Variants in PTGES observed in about 807,000 individuals in gnomAD.
PTGES encodes the protein prostaglandin E synthase.
A neutral mutation model predicts 11.8 loss-of-function variants in PTGES; 3 were observed. That is an observed-to-expected ratio of 0.25 (90% CI 0.12 to 0.66). PTGES has a LOEUF of 0.66. PTGES is among the 30% of genes least tolerant of loss of function. The pLI, the probability that PTGES is intolerant of heterozygous loss-of-function variation, is 0.82. For missense variants in PTGES, 180 were observed against 213.0 expected, an observed-to-expected ratio of 0.85 and a Z score of 0.96; for synonymous variants, 94 against 90.4, an observed-to-expected ratio of 1.04 and a Z score of -0.22.
rs552810031 is a variant in PTGES at position 129,739,866 on chromosome 9, G to A, written c.210-6C>T. On this transcript the variant is annotated splice_region_variant and splice_polypyrimidine_tract_variant and intron_variant, in intron 2 of 2. Coordinates refer to ENST00000340607, the MANE Select transcript of PTGES (RefSeq NM_004878.5). This position sits in a 1 kb window ranked among gnomAD's most constrained non-coding sequence, Gnocchi z 5.7. ...CCATGTCGTTCCGGTGGGCCCTGGG[G>A]AGACAAGAGGGGTGCGGTCAGCCAG... 2 of 1,564,448 alleles carry A rather than the reference G, an allele frequency of 1.3e-6. No individual in the cohort carries two copies. The highest frequency in any genetic ancestry group is 1.4e-5 in the African/African-American group (1 of 73,844).
intron 1 of PTGES, among the ~76,000 whole-genome samples, chr9:129,750,912 G>A (rs1168996666): frequency 6.6e-6 from 1 of 152,206 alleles, no homozygotes; most frequent in Non-Finnish European, 1.5e-5. Flanking sequence ...GGGCCACGTT[G>A]TCATGAGGAA....
At chr9:129,746,796 C>T (rs889139386) in intron 2 of PTGES, among the ~76,000 whole-genome samples, 2 of 152,210 alleles carry the variant, frequency 1.3e-5, no homozygotes, top group Non-Finnish European at 2.9e-5. Flanking sequence ...GCCTCACTCT[C>T]CAGCTAACTG....
intron 2 of PTGES, among the ~76,000 whole-genome samples, chr9:129,744,087 G>T (rs1833026757): frequency 4.6e-5 from 7 of 152,142 alleles, no homozygotes; most frequent in Admixed American, 4.6e-4. Flanking sequence ...AAGCTCAGGT[G>T]ATCTACCCGC....
At chr9:129,744,063 C>T (rs914585322) in intron 2 of PTGES, among the ~76,000 whole-genome samples, 4 of 152,008 alleles carry the variant, frequency 2.6e-5, no homozygotes, top group African/African-American at 4.8e-5. Flanking sequence ...TGGCCAGGCT[C>T]GTCTCAAACT....
chr9:129,747,980 A>G (rs1833063546), intron 2 of PTGES, among the ~76,000 whole-genome samples: 1 of 141,602 alleles, frequency 7.1e-6, no homozygotes, highest in Admixed American at 7.4e-5. Context: ...ACTGCACTCC[A>G]GCCTGGGCAA....
intron 1 of PTGES, among the ~76,000 whole-genome samples, chr9:129,752,476 TC>T (rs1416056331): frequency 1.3e-5 from 2 of 152,228 alleles, no homozygotes; most frequent in Non-Finnish European, 2.9e-5. Context: ...GTTGGGAATT[TC>T]CACTTAAACG....
Position 129,751,497 on chromosome 9 carries a change from G to A in PTGES, c.126+1390C>T, listed in dbSNP as rs45470593. ...GGTTCAAGACCAGCCTGGCCAACAT[G>A]GTGAAACCCCATCTCTACTAAAAAT... is the stretch of plus-strand genomic sequence containing the variant. On this transcript the variant is annotated intron_variant, in intron 1 of 2. Transcript: ENST00000340607. Among the ~76,000 whole-genome samples, 387 of 152,186 alleles carry A rather than the reference G, an allele frequency of 2.5e-3. 4 individuals are homozygous for A. Among genetic ancestry groups the A allele is most frequent in the Admixed American group, 4.1e-3 (63 of 15,284 alleles).
At position 129,739,410 on chromosome 9, in the gene PTGES, G is replaced by T; in HGVS notation, c.*201C>A. 2.9e-6 allele frequency: 2 copies of T among 681,870 alleles called. No individual in the cohort carries two copies. 42.2% of individuals were successfully genotyped at this position (681,870 alleles called of 1,614,324 possible). On this transcript the variant is annotated 3_prime_UTR_variant, in exon 3 of 3. Transcript: ENST00000340607. This position sits in a 1 kb window ranked among gnomAD's most constrained non-coding sequence, Gnocchi z 5.7. Reference sequence around the variant, plus strand: ...GCCACTTCGTGCAGGAATCCAAGGGGCTAAGAAACATACACACACACATAC... The same window carrying T: ...GCCACTTCGTGCAGGAATCCAAGGGTCTAAGAAACATACACACACACATAC...
At chr9:129,741,130 G>A (rs1163602776) in intron 2 of PTGES, among the ~76,000 whole-genome samples, 1 of 152,194 alleles carries the variant, frequency 6.6e-6, no homozygotes, top group Non-Finnish European at 1.5e-5. Flanking sequence ...GCCTGGGGTG[G>A]GGGTGGGCAG....
chr9:129,750,082 A>C (rs1833088707), intron 1 of PTGES, among the ~76,000 whole-genome samples: 1 of 152,232 alleles, frequency 6.6e-6, no homozygotes, highest in African/African-American at 2.4e-5. Context: ...GGAGGTGCTC[A>C]GTGAATTGTC....
rs368767455 is a variant in PTGES at position 129,739,775 on chromosome 9, C to A, written c.295G>T (p.Ala99Ser). Residue 99 changes from alanine to serine, a missense_variant, in exon 3 of 3, where the codon GCC becomes TCC. Coordinates refer to ENST00000340607, the MANE Select transcript of PTGES (RefSeq NM_004878.5). This position sits in a 1 kb window ranked among gnomAD's most constrained non-coding sequence, Gnocchi z 5.7. ...YSFLGPNPFVAWMHFLVFLVG... is the reference protein window; with the variant it reads ...YSFLGPNPFVSWMHFLVFLVG... The stretch of plus-strand genomic sequence containing the variant: ...AGGAAGACCAGGAAGTGCATCCAGG[C>A]GACAAAAGGGTTAGGACCCAGAAAG... The A allele has an allele frequency of 1.9e-6, 3 of 1,578,882 alleles. No individual in the cohort carries two copies. The highest frequency in any genetic ancestry group is 2.6e-6 in the Non-Finnish European group (3 of 1,162,076).
At chr9:129,742,343 A>AC (rs1017371022) in intron 2 of PTGES, among the ~76,000 whole-genome samples, 1 of 150,812 alleles carries the variant, frequency 6.6e-6, no homozygotes, top group African/African-American at 2.5e-5. Flanking sequence ...AAAAAAAAAA[A>AC]AAAAAAACAT....
At chr9:129,749,986 A>C (rs1278555461) in intron 1 of PTGES, among the ~76,000 whole-genome samples, 4 of 152,232 alleles carry the variant, frequency 2.6e-5, no homozygotes, top group Non-Finnish European at 5.9e-5. Flanking sequence ...CTGAACTCTG[A>C]AAACTCAGGA....
chr9:129,740,867 A>AC (rs1832987814), intron 2 of PTGES, among the ~76,000 whole-genome samples: 2 of 152,320 alleles, frequency 1.3e-5, no homozygotes, highest in South Asian at 4.1e-4. Context: ...AGGACAGGCC[A>AC]CGCGTGTGAG....
At chr9:129,744,524 G>A (rs778006972) in intron 2 of PTGES, among the ~76,000 whole-genome samples, 36 of 150,352 alleles carry the variant, frequency 2.4e-4, no homozygotes, top group Admixed American at 4.7e-4. Flanking sequence ...TCAGTGAGCC[G>A]GGATTCCACT....
At chr9:129,748,788 AC>A in intron 1 of PTGES, 51 bp from the exon 2 acceptor site, 1 of 1,453,486 alleles carries the variant, frequency 6.9e-7, no homozygotes, top group Non-Finnish European at 9.5e-7. Context: ...CGGCCCAGTC[AC>A]CTGGGGCTAT....
rs897440766 is a variant in PTGES at position 129,745,776 on chromosome 9, TCC to T, written c.209+2877_209+2878del. 1.4e-4 allele frequency among the ~76,000 whole-genome samples: 21 copies of T among 152,304 alleles called. No individual in the cohort carries two copies. Among genetic ancestry groups the T allele is most frequent in the African/African-American group, 5.1e-4 (21 of 41,548 alleles). ...TGGGCGCAATGGCTCACGCCTGTAATCCCAGCACTTTGGAAGCCCGAGGCAGG... is the reference window on the plus strand; with the variant it reads ...TGGGCGCAATGGCTCACGCCTGTAATCAGCACTTTGGAAGCCCGAGGCAGG... On this transcript the variant is annotated intron_variant, in intron 2 of 2. Coordinates refer to ENST00000340607, the MANE Select transcript of PTGES (RefSeq NM_004878.5). The surrounding 1 kb of genome is among the most constrained non-coding windows in gnomAD (Gnocchi z 4.2).
In PTGES at chr9:129,739,602, A is replaced by C. The variant is rs2302821; in HGVS notation, c.*9T>G. 185,468 of 1,548,682 alleles carry C rather than the reference A, an allele frequency of 0.12. 20,091 individuals are homozygous for C. Among genetic ancestry groups the C allele is most frequent in the East Asian group, 0.57 (23,313 of 40,834 alleles). ...ATGGTCTGGTGGCCAAGGAGGCATCAGCTGCTGGTCACAGGTGGCGGGCCG... is the reference window on the plus strand; with the variant it reads ...ATGGTCTGGTGGCCAAGGAGGCATCCGCTGCTGGTCACAGGTGGCGGGCCG... On this transcript the variant is annotated 3_prime_UTR_variant, in exon 3 of 3. Coordinates refer to ENST00000340607, the MANE Select transcript of PTGES (RefSeq NM_004878.5). The surrounding 1 kb of genome is among the most constrained non-coding windows in gnomAD (Gnocchi z 5.7).
In PTGES at chr9:129,739,338, G is replaced by A; in HGVS notation, c.*273C>T. 2.3e-6 allele frequency: 1 copy of A among 443,982 alleles called. No individual in the cohort carries two copies. The highest frequency in any genetic ancestry group is 4.0e-6 in the Non-Finnish European group (1 of 247,406). 27.5% of individuals were successfully genotyped at this position (443,982 alleles called of 1,614,324 possible). A position where few individuals can be genotyped will look rare whatever the true frequency, so the allele number is the denominator to read the frequency against. ...TTGATGCTCTGTTACTTTAGCTGAA[G>A]GATTTTCTATCAATCTTCACAATCT... is the stretch of plus-strand genomic sequence containing the variant. On this transcript the variant is annotated 3_prime_UTR_variant, in exon 3 of 3. Coordinates refer to ENST00000340607, the MANE Select transcript of PTGES (RefSeq NM_004878.5). The surrounding 1 kb of genome is among the most constrained non-coding windows in gnomAD (Gnocchi z 5.7).
Sources: allele counts gnomAD v4.1 joint callset (sites outside exome capture counted in the v4.1 genomes callset), GRCh38; gene constraint gnomAD v4.1.1; non-coding constraint Gnocchi (gnomAD v3.1); transcripts MANE v1.5; gene names NCBI Gene and HGNC (gene_info 2026-07-23, HGNC 2026-07-21).